SLC25A28: variants seen among roughly 807,000 people sequenced by gnomAD.
SLC25A28 encodes the protein solute carrier family 25 member 28.
A neutral mutation model predicts 31.9 loss-of-function variants in SLC25A28; 10 were observed. That is an observed-to-expected ratio of 0.31 (90% CI 0.19 to 0.53). The LOEUF is 0.53. Ranked by LOEUF, SLC25A28 falls within the 20% of genes least tolerant of loss-of-function variation. The pLI, the probability that SLC25A28 is intolerant of heterozygous loss-of-function variation, is 0.95. For missense variants in SLC25A28, 256 were observed against 490.3 expected, an observed-to-expected ratio of 0.52 and a Z score of 4.51; for synonymous variants, 208 against 203.6, an observed-to-expected ratio of 1.02 and a Z score of -0.19.
In SLC25A28 at chr10:99,613,731, A is replaced by C. The variant is rs2034584847; in HGVS notation, c.485T>G (p.Val162Gly). Residue 162 changes from valine (V) to glycine (G), a missense_variant, in exon 2 of 4, where the codon GTA (valine) becomes GGA (glycine). Physicochemically the swap from Val to Gly is moderately radical, Grantham distance 109 (BLOSUM62 -3). Around this residue, in one of 4 missense-constraint regions of SLC25A28, gnomAD observed 158 missense variants for 379.1 expected, o/e 0.42. Coordinates refer to ENST00000370495, the MANE Select transcript of SLC25A28 (RefSeq NM_031212.4). This position sits in a 1 kb window ranked among gnomAD's most constrained non-coding sequence, Gnocchi z 4.9. ...YEKLKKTLSD[V>G]IHPGGNSHIA... ...ATGGCTATTGCCCCCAGGGTGGATT[A>C]CATCACTCAATGTCTTTTTTAACTT... 6.2e-7 allele frequency: 1 copy of C among 1,614,260 alleles called. No homozygotes were observed. Among genetic ancestry groups the C allele is most frequent in the Non-Finnish European group, 8.5e-7 (1 of 1,180,042 alleles).
upstream of SLC25A28, chr10:99,621,007 C>T (rs1241430658): frequency 2.0e-6 from 2 of 982,260 alleles, no homozygotes; most frequent in Non-Finnish European, 2.4e-6. Context: ...CGGCCCTGGC[C>T]CCGGAGAGCC....
upstream of SLC25A28, among the ~76,000 whole-genome samples, chr10:99,623,197 C>T (rs1372384682): frequency 6.6e-6 from 1 of 152,116 alleles, no homozygotes; most frequent in East Asian, 1.9e-4. Context: ...AAGGTGAGAA[C>T]AAGGTTGGTG....
chr10:99,610,933 G>A lies in SLC25A28; in HGVS notation c.1011C>T (p.Pro337=), dbSNP rs1355579239. The A allele has an allele frequency of 1.2e-6, 2 of 1,614,222 alleles. No homozygotes were observed. Among genetic ancestry groups the A allele is most frequent in the East Asian group, 2.2e-5 (1 of 44,884 alleles). Residue 337 remains proline (P), a synonymous_variant, in exon 4 of 4, where the codon CCC becomes CCT. Coordinates refer to ENST00000370495, the MANE Select transcript of SLC25A28 (RefSeq NM_031212.4). ...GVQARVIYQI[P]STAIAWSVYE... ...ACACAGACCATGCGATGGCTGTGGA[G>A]GGGATCTGGTAAATTACTCTGGCCT...
chr10:99,629,094 C>A, the SLC25A28 span, among the ~76,000 whole-genome samples: 1 of 152,172 alleles, frequency 6.6e-6, no homozygotes, highest in Non-Finnish European at 1.5e-5. Context: ...CTCCAGTGTT[C>A]CAGGTGGGCC....
chr10:99,650,269 C>T, the SLC25A28 span, among the ~76,000 whole-genome samples: 2 of 152,110 alleles, frequency 1.3e-5, no homozygotes, highest in African/African-American at 4.8e-5. Flanking sequence ...CCTCAACCTC[C>T]TGGGCTCAAG....
the SLC25A28 span, among the ~76,000 whole-genome samples, chr10:99,645,375 GT>G: frequency 6.6e-6 from 1 of 152,100 alleles, no homozygotes; most frequent in Non-Finnish European, 1.5e-5. Flanking sequence ...ATTTGTCACA[GT>G]TTTCATGCCG....
intron 1 of SLC25A28, 34 bp downstream of exon 1, chr10:99,620,011 C>G (rs1298564163): frequency 6.5e-7 from 1 of 1,548,602 alleles, no homozygotes; most frequent in South Asian, 1.1e-5. Context: ...CGGGTCAGCC[C>G]CAGGTCGGGT....
upstream of SLC25A28, chr10:99,620,842 C>T (rs906872290): frequency 8.1e-6 from 8 of 985,376 alleles, no homozygotes; most frequent in Non-Finnish European, 9.6e-6. Context: ...CTTCGGGCCC[C>T]TCACTAGCGC....
the SLC25A28 span, among the ~76,000 whole-genome samples, chr10:99,638,402 C>A: frequency 6.6e-6 from 1 of 152,102 alleles, no homozygotes; most frequent in Non-Finnish European, 1.5e-5. Context: ...TGACAAAGAA[C>A]AGTAAAGCAA....
At chr10:99,624,245 TTCTTTTTCTTTCTC>T (rs2034843168), upstream of SLC25A28, among the ~76,000 whole-genome samples, 3 of 125,308 alleles carry the variant, frequency 2.4e-5, no homozygotes, top group Admixed American at 7.8e-5. Flanking sequence ...TTTTCTCTCT[TTCTTTTTCTTTCTC>T]TCTCTCTCTT....
chr10:99,622,620 T>C (rs2034817944), upstream of SLC25A28: 1 of 984,696 alleles, frequency 1.0e-6, no homozygotes, highest in South Asian at 4.7e-5. Context: ...AGATAACACT[T>C]GCCGCCACAC....
the SLC25A28 span, among the ~76,000 whole-genome samples, chr10:99,625,992 T>C: frequency 6.6e-6 from 1 of 152,222 alleles, no homozygotes; most frequent in Non-Finnish European, 1.5e-5. Context: ...GAATCTTTGT[T>C]ACAGCAGGTG....
chr10:99,642,011 G>C, the SLC25A28 span, among the ~76,000 whole-genome samples: 2 of 151,948 alleles, frequency 1.3e-5, no homozygotes, highest in African/African-American at 4.9e-5. Context: ...GATGCCTCCA[G>C]CTTTGTTCTT....
intron 1 of SLC25A28, chr10:99,618,713 T>C (rs931505688): frequency 5.1e-6 from 5 of 985,278 alleles, no homozygotes; most frequent in Non-Finnish European, 4.8e-6. Context: ...TTGTTAGGAG[T>C]TACCTTGTGT....
chr10:99,646,260 C>T, the SLC25A28 span, among the ~76,000 whole-genome samples: 137 of 152,322 alleles, frequency 9.0e-4, 1 homozygote, highest in Middle Eastern at 3.4e-3. Context: ...TCAGCAATGG[C>T]GGACGCCCCT....
chr10:99,620,522 T>C (rs895379094), upstream of SLC25A28: 6 of 1,035,610 alleles, frequency 5.8e-6, no homozygotes, highest in African/African-American at 1.0e-4. Flanking sequence ...CCCACCCCTT[T>C]CCTTACGTAC....
At chr10:99,614,697 A>G (rs2034607808) in intron 1 of SLC25A28, among the ~76,000 whole-genome samples, 1 of 152,230 alleles carries the variant, frequency 6.6e-6, no homozygotes, top group African/African-American at 2.4e-5. Flanking sequence ...GACACTTTGT[A>G]TGATGTTCTT....
At chr10:99,636,217 A>G in the SLC25A28 span, among the ~76,000 whole-genome samples, 1 of 152,234 alleles carries the variant, frequency 6.6e-6, no homozygotes, top group East Asian at 1.9e-4. Context: ...AGACCATATG[A>G]TAGGCCATAA....
the SLC25A28 span, among the ~76,000 whole-genome samples, chr10:99,643,846 G>C: frequency 2.0e-5 from 3 of 152,168 alleles, no homozygotes; most frequent in Non-Finnish European, 2.9e-5. Context: ...TCAGGAGCAG[G>C]TTGTTCAGTT....
Sources: gnomAD v4.1 joint callset for allele counts (sites outside exome capture counted in the v4.1 genomes callset) on GRCh38, gnomAD v4.1.1 for gene constraint, gnomAD v4.1.1 regional missense constraint, Gnocchi (gnomAD v3.1) non-coding constraint, MANE v1.5 for transcripts, NCBI Gene and HGNC (gene_info 2026-07-23, HGNC 2026-07-21) for gene names.